A1BG: variants seen among roughly 807,000 people sequenced by gnomAD.
The protein encoded by A1BG is alpha-1B-glycoprotein.
A neutral mutation model predicts 46.0 loss-of-function variants in A1BG; 44 were observed. The observed-to-expected ratio is 0.96, with a 90% CI of 0.75 to 1.23. A1BG has a LOEUF of 1.23. A1BG is among the 50% of genes most tolerant of loss of function. The pLI, the probability that A1BG is intolerant of heterozygous loss-of-function variation, is 0.00. For synonymous variants in A1BG, 316 were observed against 314.7 expected (o/e 1.00, Z -0.04); for missense variants, 707 against 688.8 (o/e 1.03, Z -0.30).
At position 58,347,513 on chromosome 19, in the gene A1BG, C is replaced by T; in HGVS notation, c.1320G>A (p.Thr440=). 1 of 1,586,166 alleles carries T rather than the reference C, an allele frequency of 6.3e-7. No homozygotes were observed. Reference sequence around the variant, plus strand: ...GGGTGCGGACCGTCTTCACGGCCTTCGTCTCGCCCTCGCGCAGCAGCTCGA... The same window carrying T: ...GGGTGCGGACCGTCTTCACGGCCTTTGTCTCGCCCTCGCGCAGCAGCTCGA... ...VTFELLREGE[T]KAVKTVRTPG... Residue 440 remains threonine, a synonymous_variant, in exon 7 of 8, where the codon ACG becomes ACA. Transcript: ENST00000263100.
In A1BG at chr19:58,350,599, C is replaced by T. The variant is rs1162429833; in HGVS notation, c.963G>A (p.Leu321=). The T allele has an allele frequency of 1.3e-6, 2 of 1,486,116 alleles. No individual in the cohort carries two copies. The highest frequency in any genetic ancestry group is 4.9e-5 in the Admixed American group (2 of 41,096). 92.1% of individuals were successfully genotyped at this position (1,486,116 alleles called of 1,614,324 possible). A position where few individuals can be genotyped will look rare whatever the true frequency, so the allele number is the denominator to read the frequency against. ...CCAGGGGCGCCAGGCACCGCAGCCG[C>T]AAGGCCCTGCCGGACTCCGGCTCCG... ...FSPEPESGRA[L]RLRCLAPLEG... Residue 321 remains leucine, a synonymous_variant, in exon 6 of 8, where the codon TTG becomes TTA. Coordinates refer to ENST00000263100, the MANE Select transcript of A1BG (RefSeq NM_130786.4).
At chr19:58,351,898 G>A (rs1450408925) in intron 4 of A1BG, 1 of 699,844 alleles carries the variant, frequency 1.4e-6, no homozygotes, top group African/African-American at 1.8e-5. Flanking sequence ...CAGGTTCAAG[G>A]GATTCTCCTG....
Position 58,350,635 on chromosome 19 carries a change from C to T in A1BG, c.927G>A (p.Pro309=), listed in dbSNP as rs970611701. Residue 309 remains proline, a synonymous_variant, in exon 6 of 8, where the codon CCG becomes CCA. Transcript: ENST00000263100. The part of the protein sequence containing the change: ...LILSDETLPA[P]EFSPEPESGR... ...CGGACTCCGGCTCCGGGGAGAACTC[C>T]GGCGCGGGCAGCGTCTCTGCGGAGC... The T allele has an allele frequency of 1.6e-5, 23 of 1,416,778 alleles. No homozygotes were observed. The highest frequency in any genetic ancestry group is 2.0e-5 in the Non-Finnish European group (22 of 1,089,808). The allele number at this position is 1,416,778 out of a possible 1,614,324, so 87.8% of individuals were successfully genotyped here.
chr19:58,353,481 G>T lies in A1BG; in HGVS notation c.-44C>A. Reference sequence around the variant, plus strand: ...GGTGCAGTGAGTGTCTGGGGTGAGCGTCTGCAGCAATGAGGCCCCAAGGGA... The same window carrying T: ...GGTGCAGTGAGTGTCTGGGGTGAGCTTCTGCAGCAATGAGGCCCCAAGGGA... On this transcript the variant is annotated 5_prime_UTR_variant, in exon 1 of 8. Transcript: ENST00000263100. The T allele has an allele frequency of 6.3e-7, 1 of 1,575,996 alleles. No homozygotes were observed. The highest frequency in any genetic ancestry group is 8.6e-7 in the Non-Finnish European group (1 of 1,162,102).
Position 58,347,016 on chromosome 19 carries a change from G to A in A1BG, c.*6C>T. 2 of 1,614,112 alleles carry A rather than the reference G, an allele frequency of 1.2e-6. No individual in the cohort carries two copies. The highest frequency in any genetic ancestry group is 1.6e-4 in the Middle Eastern group (1 of 6,062). On this transcript the variant is annotated 3_prime_UTR_variant, in exon 8 of 8. Transcript: ENST00000263100. ...ACACCAACAGCACCCTGGGCCCGCGGCTGCATCAGCTTTCTAGACAACGGG... is the reference window on the plus strand; with the variant it reads ...ACACCAACAGCACCCTGGGCCCGCGACTGCATCAGCTTTCTAGACAACGGG...
At chr19:58,352,111 G>C in intron 4 of A1BG, 172 bp downstream of exon 4, 1 of 1,459,100 alleles carries the variant, frequency 6.9e-7, no homozygotes, top group Non-Finnish European at 9.0e-7. Flanking sequence ...TCCATTCTTT[G>C]GGCATCCTCT....
In A1BG at chr19:58,351,410, G is replaced by C; in HGVS notation, c.891C>G (p.Val297=). 4 of 1,611,826 alleles carry C rather than the reference G, an allele frequency of 2.5e-6. 1 individual carries two copies. Among genetic ancestry groups the C allele is most frequent in the Non-Finnish European group, 3.4e-6 (4 of 1,179,986 alleles). The change falls in exon 5 of 8, where the codon GTC becomes GTG. Residue 297 remains valine (V), a synonymous_variant. Transcript: ENST00000263100. ...QNGWSGDSAP[V]ELILSDETLP... is the part of the protein sequence containing the mutation. ...GCTCACCATCGCTCAGAATCAGCTC[G>C]ACCGGCGCGCTGTCCCCGGACCAGC...
At chr19:58,350,815 T>G in intron 5 of A1BG, 164 bp from the exon 6 acceptor site, 2 of 594,654 alleles carry the variant, frequency 3.4e-6, no homozygotes, top group Non-Finnish European at 5.2e-6. Flanking sequence ...TGCATCCCAG[T>G]CCTTGGATAT....
rs1395622764 is a variant in A1BG at position 58,351,427 on chromosome 19, C to G, written c.874G>C (p.Gly292Arg). 1 of 1,612,976 alleles carries G rather than the reference C, an allele frequency of 6.2e-7. No individual in the cohort carries two copies. Among genetic ancestry groups the G allele is most frequent in the South Asian group, 1.1e-5 (1 of 91,074 alleles). The change falls in exon 5 of 8, where the codon GGG becomes CGG. Residue 292 changes from glycine to arginine, a missense_variant. Coordinates refer to ENST00000263100, the MANE Select transcript of A1BG (RefSeq NM_130786.4). ...RLHDNQNGWSGDSAPVELILS... is the reference protein window; with the variant it reads ...RLHDNQNGWSRDSAPVELILS... Reference sequence around the variant, plus strand: ...ATCAGCTCGACCGGCGCGCTGTCCCCGGACCAGCCGTTTTGGTTGTCATGC... The same window carrying G: ...ATCAGCTCGACCGGCGCGCTGTCCCGGGACCAGCCGTTTTGGTTGTCATGC...
intron 7 of A1BG, 94 bp downstream of exon 7, chr19:58,347,259 A>G (rs2051919655): frequency 6.4e-7 from 1 of 1,554,308 alleles, no homozygotes; most frequent in African/African-American, 1.4e-5. Flanking sequence ...GGGGTGCCCA[A>G]GGGAGGAGCC....
intron 3 of A1BG, 118 bp from the exon 4 acceptor site, chr19:58,352,673 T>C (rs2148001572): frequency 7.3e-7 from 1 of 1,368,474 alleles, no homozygotes; most frequent in East Asian, 2.3e-5. Context: ...AGGGCATTGC[T>C]GGGAAAAGGC....
Position 58,346,476 on chromosome 19 carries a change from C to T in A1BG, c.*546G>A. On this transcript the variant is annotated 3_prime_UTR_variant, in exon 8 of 8. Transcript: ENST00000263100. ...TGGTGGCTCATGCCTGTAGTCCCAGCTACTCAGGAGGCTGAGGTGGGAGGA... is the reference window on the plus strand; with the variant it reads ...TGGTGGCTCATGCCTGTAGTCCCAGTTACTCAGGAGGCTGAGGTGGGAGGA... The T allele has an allele frequency of 5.7e-6, 1 of 175,336 alleles. No individual in the cohort carries two copies. Among genetic ancestry groups the T allele is most frequent in the South Asian group, 1.2e-4 (1 of 8,394 alleles). 10.9% of individuals were successfully genotyped at this position (175,336 alleles called of 1,614,324 possible).
Position 58,351,673 on chromosome 19 carries a change from G to C in A1BG, c.628C>G (p.Pro210Ala). Residue 210 changes from proline (P) to alanine (A), a missense_variant, in exon 5 of 8, where the codon CCT becomes GCT. Pro to Ala is a conservative substitution (Grantham distance 27). Transcript: ENST00000263100. ...GACTCTCCATGGTGCATCAGCACAG[G>C]CGGTGGTGGTGCAGCTGCAATGCAG... ...TIEELAAPPP[P>A]VLMHHGESSQ... is the part of the protein sequence containing the mutation. 1 of 1,596,240 alleles carries C rather than the reference G, an allele frequency of 6.3e-7. No homozygotes were observed.
At position 58,346,771 on chromosome 19, in the gene A1BG, C is replaced by T; in HGVS notation, c.*251G>A. 1.6e-6 allele frequency: 1 copy of T among 607,178 alleles called. No homozygotes were observed. Among genetic ancestry groups the T allele is most frequent in the Non-Finnish European group, 3.0e-6 (1 of 337,758 alleles). 37.6% of individuals were successfully genotyped at this position (607,178 alleles called of 1,614,324 possible). On this transcript the variant is annotated 3_prime_UTR_variant, in exon 8 of 8. Coordinates refer to ENST00000263100, the MANE Select transcript of A1BG (RefSeq NM_130786.4). ...GCTCTTAAGAGCCAGTTCTCCACTCCTCTACCTCAGGAGCCACCCCAGAAC... is the reference window on the plus strand; with the variant it reads ...GCTCTTAAGAGCCAGTTCTCCACTCTTCTACCTCAGGAGCCACCCCAGAAC...
At position 58,347,448 on chromosome 19, in the gene A1BG, G is replaced by A. The variant is rs574597204; in HGVS notation, c.1385C>T (p.Pro462Leu). ...GCACCTGTAGTTGCCGGCGTGCTGGGGCCCCACGAAGATCAGCTCGAGGTT... is the reference window on the plus strand; with the variant it reads ...GCACCTGTAGTTGCCGGCGTGCTGGAGCCCCACGAAGATCAGCTCGAGGTT... The part of the protein sequence containing the change: ...AANLELIFVG[P>L]QHAGNYRCRY... Residue 462 changes from proline (P) to leucine (L), a missense_variant, in exon 7 of 8, where the codon CCC becomes CTC. Pro to Leu is a moderately conservative substitution (Grantham distance 98). Transcript: ENST00000263100. 5.0e-6 allele frequency: 8 copies of A among 1,606,908 alleles called. No homozygotes were observed. The African/African-American group carries it at 9.4e-5, about 19-fold the overall frequency.
At chr19:58,352,722 A>G in intron 3 of A1BG, 167 bp from the exon 4 acceptor site, 1 of 1,173,070 alleles carries the variant, frequency 8.5e-7, no homozygotes, top group Non-Finnish European at 1.2e-6. Context: ...CGGCAAGAGA[A>G]AAAGAGTGTG....
At chr19:58,352,259 C>G (rs781427099) in intron 4 of A1BG, 24 bp downstream of exon 4, 1 of 1,610,320 alleles carries the variant, frequency 6.2e-7, no homozygotes, top group African/African-American at 1.3e-5. Context: ...CCCAGCAGCC[C>G]CCAGAGATGG....
chr19:58,347,386 C>A lies in A1BG; in HGVS notation c.1447G>T (p.Glu483Ter), dbSNP rs1420005576. 1 of 1,612,224 alleles carries A rather than the reference C, an allele frequency of 6.2e-7. No homozygotes were observed. The highest frequency in any genetic ancestry group is 1.1e-5 in the South Asian group (1 of 91,072). The change falls in exon 7 of 8, where the codon GAG becomes TAG. Residue 483 changes from glutamate to a stop codon, truncating the protein, a stop_gained. Transcript: ENST00000263100. LOFTEE classifies it high-confidence loss of function. ...RSWVPHTFES[E>*]LSDPVELLVA... is the part of the protein sequence containing the mutation. ...AGGAGCTCCACAGGGTCGCTGAGCT[C>A]CGATTCGAAGGTGTGGGGCACCCAG...
Position 58,351,457 on chromosome 19 carries a change from G to T in A1BG, c.844C>A (p.Arg282=), listed in dbSNP as rs778614779. 3 of 1,613,682 alleles carry T rather than the reference G, an allele frequency of 1.9e-6. No individual in the cohort carries two copies. The African/African-American group carries it at 4.0e-5, about 22-fold the overall frequency. ...GDGGHYTCRY[R]LHDNQNGWSG... ...CAGCCGTTTTGGTTGTCATGCAGCC[G>T]GTAGCGGCAGGTGTAGTGACCTCCA... Residue 282 remains arginine (R), a synonymous_variant, in exon 5 of 8, where the codon CGG becomes AGG. Transcript: ENST00000263100.
Sources: allele counts gnomAD v4.1 joint callset, GRCh38; gene constraint gnomAD v4.1.1; transcripts MANE v1.5; gene names NCBI Gene and HGNC (gene_info 2026-07-23, HGNC 2026-07-21).